The following SPOCK3 variants were observed in gnomAD, a reference collection of about 807,000 sequenced individuals.
SPOCK3 encodes the protein SPARC (osteonectin), cwcv and kazal like domains proteoglycan 3.
SPOCK3 carries 30 observed loss-of-function variants against 56.6 expected under a neutral mutation model. The ratio of observed to expected loss-of-function variants is 0.53; its 90% CI spans 0.40 to 0.72. The LOEUF (loss-of-function observed/expected upper bound fraction) is 0.72. SPOCK3 is among the 30% of genes least tolerant of loss of function. The pLI is 0.00. For missense variants in SPOCK3, 527 were observed against 530.0 expected (o/e 0.99, Z 0.06); for synonymous variants, 196 against 183.3 (o/e 1.07, Z -0.56).
chr4:166,937,132 A>G (rs1377006405), intron 4 of SPOCK3, among the ~76,000 whole-genome samples: 1 of 152,064 alleles, frequency 6.6e-6, no homozygotes, highest in Non-Finnish European at 1.5e-5. Context: ...CCTGGTCACA[A>G]CAAAAGGTAG....
At chr4:166,764,157 A>G (rs1737629791) in intron 7 of SPOCK3, among the ~76,000 whole-genome samples, 1 of 151,416 alleles carries the variant, frequency 6.6e-6, no homozygotes, top group African/African-American at 2.4e-5. Flanking sequence ...TTCCTTTTCC[A>G]TCTCATTTCT....
chr4:166,864,416 A>G (rs945929713), intron 6 of SPOCK3, among the ~76,000 whole-genome samples: 1 of 152,198 alleles, frequency 6.6e-6, no homozygotes, highest in Non-Finnish European at 1.5e-5. Context: ...AGCAGAAGAC[A>G]AGAAATAGCT....
chr4:167,106,085 A>G (rs893696466), intron 2 of SPOCK3, among the ~76,000 whole-genome samples: 1 of 152,014 alleles, frequency 6.6e-6, no homozygotes, highest in African/African-American at 2.4e-5. Context: ...ATAGAAAATC[A>G]ACAGAGAAAC....
chr4:166,901,938 C>T (rs963710770), intron 5 of SPOCK3, among the ~76,000 whole-genome samples: 5 of 152,010 alleles, frequency 3.3e-5, no homozygotes, highest in Admixed American at 1.3e-4. Context: ...GATGGAGTGG[C>T]CTACGTAGAG....
intron 8 of SPOCK3, among the ~76,000 whole-genome samples, chr4:166,746,147 T>C (rs982748742): frequency 1.3e-5 from 2 of 152,170 alleles, no homozygotes; most frequent in Non-Finnish European, 2.9e-5. Flanking sequence ...TTAATAGACA[T>C]CTACAGAACT....
At chr4:167,039,903 T>G (rs988468274) in intron 3 of SPOCK3, among the ~76,000 whole-genome samples, 2 of 152,190 alleles carry the variant, frequency 1.3e-5, no homozygotes. Flanking sequence ...CCTCTCCTCT[T>G]CCTCTACCTT....
chr4:167,164,937 T>A (rs965472518), intron 2 of SPOCK3, among the ~76,000 whole-genome samples: 4 of 152,140 alleles, frequency 2.6e-5, no homozygotes, highest in Admixed American at 6.6e-5. Context: ...TGATTTATAA[T>A]CCTTTGGGTA....
At chr4:166,882,083 AATTATT>A (rs1052401869) in intron 6 of SPOCK3, among the ~76,000 whole-genome samples, 5 of 152,142 alleles carry the variant, frequency 3.3e-5, no homozygotes, top group African/African-American at 1.2e-4. Flanking sequence ...GTGTGCATAT[AATTATT>A]ATTTGTCTCC....
At chr4:166,881,554 T>C (rs1733694301) in intron 6 of SPOCK3, among the ~76,000 whole-genome samples, 1 of 152,108 alleles carries the variant, frequency 6.6e-6, no homozygotes, top group Non-Finnish European at 1.5e-5. Context: ...ATATTTGTAC[T>C]ATATCTAAAA....
intron 4 of SPOCK3, among the ~76,000 whole-genome samples, chr4:166,950,521 A>T (rs1335503989): frequency 2.0e-5 from 3 of 152,044 alleles, no homozygotes; most frequent in Non-Finnish European, 4.4e-5. Context: ...CATTAGACAG[A>T]TCAATGAGAC....
intron 2 of SPOCK3, among the ~76,000 whole-genome samples, chr4:167,205,543 A>T (rs1734198298): frequency 1.7e-5 from 1 of 58,270 alleles, no homozygotes. Context: ...TATAATATAT[A>T]TTATATAATA....
chr4:166,978,775 C>G (rs1030786138), intron 4 of SPOCK3, among the ~76,000 whole-genome samples: 7 of 151,934 alleles, frequency 4.6e-5, no homozygotes, highest in Non-Finnish European at 1.0e-4. Context: ...AAATATACAA[C>G]ACACACATAT....
chr4:167,124,260 G>C (rs1364297953), intron 2 of SPOCK3, among the ~76,000 whole-genome samples: 1 of 152,064 alleles, frequency 6.6e-6, no homozygotes, highest in African/African-American at 2.4e-5. Flanking sequence ...TTAAAATATA[G>C]TCTAGATGCT....
At chr4:166,818,242 A>G (rs1279667298) in intron 6 of SPOCK3, among the ~76,000 whole-genome samples, 3 of 151,706 alleles carry the variant, frequency 2.0e-5, no homozygotes, top group Non-Finnish European at 2.9e-5. Context: ...ATGGTATTCC[A>G]TTGTGTGTGT....
chr4:166,739,704 C>CA (rs1553960583), intron 9 of SPOCK3, among the ~76,000 whole-genome samples: 1 of 147,314 alleles, frequency 6.8e-6, no homozygotes, highest in Non-Finnish European at 1.5e-5. Flanking sequence ...TATTTTCTGA[C>CA]TTTTTTTTTT....
At chr4:166,741,670 T>C (rs1734856413) in intron 9 of SPOCK3, among the ~76,000 whole-genome samples, 2 of 152,182 alleles carry the variant, frequency 1.3e-5, no homozygotes, top group African/African-American at 4.8e-5. Context: ...TACATATATA[T>C]ATATTTGCCA....
chr4:167,096,103 T>C (rs992791949), intron 2 of SPOCK3, among the ~76,000 whole-genome samples: 13 of 151,860 alleles, frequency 8.6e-5, no homozygotes, highest in African/African-American at 2.7e-4. Context: ...AAGAACACCA[T>C]AAAAAGACCT....
chr4:166,867,937 T>C (rs535143942), intron 6 of SPOCK3, among the ~76,000 whole-genome samples: 4 of 152,060 alleles, frequency 2.6e-5, no homozygotes, highest in Non-Finnish European at 2.9e-5. Flanking sequence ...TATATGTATA[T>C]AGTATATGTA....
intron 4 of SPOCK3, among the ~76,000 whole-genome samples, chr4:166,919,592 C>T (rs1738264261): frequency 6.6e-6 from 1 of 152,100 alleles, no homozygotes; most frequent in Admixed American, 6.5e-5. Context: ...GATCCAGGTC[C>T]ATACTCTTTC....
Sources: allele counts gnomAD v4.1 joint callset (sites outside exome capture counted in the v4.1 genomes callset), GRCh38; gene constraint gnomAD v4.1.1; transcripts MANE v1.5; gene names NCBI Gene and HGNC (gene_info 2026-07-23, HGNC 2026-07-21).